The following FCHSD2 variants were observed in gnomAD, a reference collection of about 807,000 sequenced individuals.
FCHSD2 encodes the protein FCH and double SH3 domains 2, also known as F-BAR and double SH3 domains protein 2.
In FCHSD2, 38 loss-of-function variants were observed where a neutral mutation model predicts 108.1. The observed-to-expected ratio is 0.35, with a 90% CI of 0.27 to 0.46. FCHSD2 has a LOEUF of 0.46. Ranked by LOEUF, FCHSD2 falls within the 20% of genes least tolerant of loss-of-function variation. The pLI, the probability that FCHSD2 is intolerant of heterozygous loss-of-function variation, is 1.00. For synonymous variants in FCHSD2, 279 were observed against 314.7 expected (o/e 0.89, Z 1.20); for missense variants, 751 against 897.8 (o/e 0.84, Z 2.09).
intron 8 of FCHSD2, among the ~76,000 whole-genome samples, chr11:72,946,875 C>G (rs1207005713): frequency 6.6e-6 from 1 of 152,198 alleles, no homozygotes; most frequent in African/African-American, 2.4e-5. Flanking sequence ...TTCATATTCA[C>G]AAGACTACTC....
intron 8 of FCHSD2, among the ~76,000 whole-genome samples, chr11:72,970,350 A>G (rs572467569): frequency 6.6e-6 from 1 of 152,360 alleles, no homozygotes; most frequent in Non-Finnish European, 1.5e-5. Context: ...ATTCTAATGT[A>G]TGAAAATTGT....
At chr11:73,050,837 AATAAT>A (rs575635717) in intron 3 of FCHSD2, among the ~76,000 whole-genome samples, 3 of 152,210 alleles carry the variant, frequency 2.0e-5, no homozygotes, top group Non-Finnish European at 2.9e-5. Context: ...CTCTAAGAAA[AATAAT>A]ATAAGACTCA....
At chr11:72,866,922 A>C (rs1233271695) in intron 13 of FCHSD2, among the ~76,000 whole-genome samples, 2 of 152,206 alleles carry the variant, frequency 1.3e-5, no homozygotes, top group Non-Finnish European at 2.9e-5. Flanking sequence ...TTTAGCTTTT[A>C]GTTTGCCACT....
At position 72,838,893 on chromosome 11, in the gene FCHSD2, C is replaced by G; in HGVS notation, c.2140-19G>C. On this transcript the variant is annotated intron_variant, in intron 19 of 19. Transcript: ENST00000409418. Reference sequence around the variant, plus strand: ...CCCGGACCTGAGCAGGAAACAATTACGTAGTTTGTCAGTCAGTTCCTGACT... The same window carrying G: ...CCCGGACCTGAGCAGGAAACAATTAGGTAGTTTGTCAGTCAGTTCCTGACT... 14 of 1,593,870 alleles carry G rather than the reference C, an allele frequency of 8.8e-6. No individual in the cohort carries two copies. Among genetic ancestry groups the G allele is most frequent in the Non-Finnish European group, 1.2e-5 (14 of 1,169,770 alleles).
chr11:72,920,943 GAATA>G (rs1280987908), intron 9 of FCHSD2, among the ~76,000 whole-genome samples: 1 of 151,972 alleles, frequency 6.6e-6, no homozygotes, highest in Non-Finnish European at 1.5e-5. Flanking sequence ...GTGAAAACAA[GAATA>G]TATATACAAG....
intron 12 of FCHSD2, among the ~76,000 whole-genome samples, chr11:72,876,309 G>A (rs1471299875): frequency 6.6e-6 from 1 of 152,196 alleles, no homozygotes; most frequent in Non-Finnish European, 1.5e-5. Flanking sequence ...GCGAGACAGA[G>A]TGAGATGGTC....
chr11:73,026,131 A>C (rs547475472), intron 3 of FCHSD2, among the ~76,000 whole-genome samples: 1 of 152,100 alleles, frequency 6.6e-6, no homozygotes, highest in East Asian at 1.9e-4. Flanking sequence ...GTGCCACTGC[A>C]CCCAGCTCAT....
At chr11:73,054,545 G>A (rs1858977700) in intron 3 of FCHSD2, among the ~76,000 whole-genome samples, 1 of 151,374 alleles carries the variant, frequency 6.6e-6, no homozygotes, top group Admixed American at 6.6e-5. Context: ...AGGGGAAGAA[G>A]CACTAAATCT....
At chr11:73,015,050 G>T (rs772424253) in intron 4 of FCHSD2, among the ~76,000 whole-genome samples, 4 of 152,116 alleles carry the variant, frequency 2.6e-5, no homozygotes, top group Non-Finnish European at 4.4e-5. Flanking sequence ...CACCATGTTG[G>T]TCAGGCTGGT....
chr11:72,978,959 C>T (rs766052050), intron 8 of FCHSD2, among the ~76,000 whole-genome samples: 2 of 147,844 alleles, frequency 1.4e-5, no homozygotes, highest in African/African-American at 2.5e-5. Context: ...CAGGTTCAAG[C>T]GATTCTCGTG....
intron 3 of FCHSD2, among the ~76,000 whole-genome samples, chr11:73,045,710 C>T (rs1037531564): frequency 2.0e-5 from 3 of 150,986 alleles, no homozygotes; most frequent in Non-Finnish European, 4.4e-5. Flanking sequence ...TAGGTGGGAA[C>T]TGAACAATGA....
At chr11:73,007,213 A>T (rs1436246664) in intron 4 of FCHSD2, among the ~76,000 whole-genome samples, 1 of 152,222 alleles carries the variant, frequency 6.6e-6, no homozygotes, top group African/African-American at 2.4e-5. Context: ...TAAAATACAA[A>T]ACCATTCATC....
In FCHSD2 at chr11:72,890,015, G is replaced by A. The variant is rs371277740; in HGVS notation, c.925-70C>T. The A allele has an allele frequency of 1.9e-5, 17 of 890,646 alleles. No homozygotes were observed. In the African/African-American group the frequency reaches 2.3e-4, roughly 12 times the overall value. The allele number at this position is 890,646 out of a possible 1,614,324, so 55.2% of individuals were successfully genotyped here. A position where few individuals can be genotyped will look rare whatever the true frequency, so the allele number is the denominator to read the frequency against. ...TTGTAACCACTACTGCTTTGTAGAT[G>A]GATCAGAAGGCCTTCACTTAATCAG... On this transcript the variant is annotated intron_variant, in intron 10 of 19. Coordinates refer to ENST00000409418, the MANE Select transcript of FCHSD2 (RefSeq NM_014824.3).
intron 10 of FCHSD2, among the ~76,000 whole-genome samples, chr11:72,891,447 C>T (rs1855312335): frequency 6.6e-6 from 1 of 152,184 alleles, no homozygotes. Flanking sequence ...ACCATCTTTA[C>T]ATTCATATTT....
intron 8 of FCHSD2, among the ~76,000 whole-genome samples, chr11:72,980,537 G>T (rs778914255): frequency 6.6e-6 from 1 of 152,040 alleles, no homozygotes; most frequent in East Asian, 1.9e-4. Flanking sequence ...TGTATTAAAT[G>T]GTTAGGATAA....
intron 8 of FCHSD2, among the ~76,000 whole-genome samples, chr11:72,948,769 C>G (rs1452184076): frequency 6.6e-6 from 1 of 151,474 alleles, no homozygotes; most frequent in Non-Finnish European, 1.5e-5. Context: ...AGGTTCACAA[C>G]ATTCTCCTGC....
intron 3 of FCHSD2, among the ~76,000 whole-genome samples, chr11:73,044,494 T>C (rs2135467081): frequency 6.6e-6 from 1 of 152,238 alleles, no homozygotes. Flanking sequence ...GTGAGATCAC[T>C]TGTGCCCAGG....
chr11:72,855,807 G>A (rs902576828), intron 13 of FCHSD2, among the ~76,000 whole-genome samples: 19 of 152,266 alleles, frequency 1.2e-4, no homozygotes, highest in African/African-American at 2.6e-4. Context: ...ATGAGCATAC[G>A]TATCTGACAG....
intron 8 of FCHSD2, among the ~76,000 whole-genome samples, chr11:72,970,259 T>A (rs1856984302): frequency 6.6e-6 from 1 of 152,198 alleles, no homozygotes; most frequent in African/African-American, 2.4e-5. Context: ...CTCAAGTTTT[T>A]AACCAACAAT....
Sources: gnomAD v4.1 joint callset for allele counts (sites outside exome capture counted in the v4.1 genomes callset) on GRCh38, gnomAD v4.1.1 for gene constraint, MANE v1.5 for transcripts, NCBI Gene and HGNC (gene_info 2026-07-23, HGNC 2026-07-21) for gene names.